The following COL4A1 variants were observed in gnomAD, a reference collection of about 807,000 sequenced individuals.
COL4A1 encodes collagen alpha-1(IV) chain.
In COL4A1, 40 loss-of-function variants were observed where a neutral mutation model predicts 216.6. The observed-to-expected ratio is 0.18, with a 90% CI of 0.14 to 0.24. The LOEUF (loss-of-function observed/expected upper bound fraction) is 0.24. Among genes scored for constraint, COL4A1 ranks in the 10% least tolerant of loss-of-function variants. The pLI is 1.00. For synonymous variants in COL4A1, 839 were observed against 810.7 expected, an observed-to-expected ratio of 1.03 and a Z score of -0.59; for missense variants, 1,628 against 2,196.8, an observed-to-expected ratio of 0.74 and a Z score of 5.18.
intron 1 of COL4A1, among the ~76,000 whole-genome samples, chr13:110,288,695 G>A (rs73617454): frequency 0.013 from 2,018 of 152,228 alleles, 46 homozygotes; most frequent in African/African-American, 0.046. Flanking sequence ...GTAAAACCCT[G>A]GACAGGTTGT....
rs1877788272 is a variant in COL4A1 at position 110,174,520 on chromosome 13, G to A, written c.3332C>T (p.Pro1111Leu). 6.2e-7 allele frequency: 1 copy of A among 1,613,934 alleles called. No individual in the cohort carries two copies. The highest frequency in any genetic ancestry group is 2.2e-5 in the East Asian group (1 of 44,882). ...SPGSVGYPGS[P>L]GLPGEKGDKG... Reference sequence around the variant, plus strand: ...GTCACCTTTTTCTCCAGGTAGCCCAGGACTTCCTAAAGAAAAAAACAAAAC... The same window carrying A: ...GTCACCTTTTTCTCCAGGTAGCCCAAGACTTCCTAAAGAAAAAAACAAAAC... The change falls in exon 39 of 52, where the codon CCT (proline) becomes CTT (leucine). Residue 1111 changes from proline to leucine, a missense_variant. Pro to Leu is a moderately conservative substitution (Grantham distance 98). Around this residue, in one of 8 missense-constraint regions of COL4A1, gnomAD observed 345 missense variants for 476.9 expected, o/e 0.72. Coordinates refer to ENST00000375820, the MANE Select transcript of COL4A1 (RefSeq NM_001845.6).
intron 2 of COL4A1, among the ~76,000 whole-genome samples, chr13:110,227,748 T>C (rs1263984901): frequency 6.6e-6 from 1 of 152,190 alleles, no homozygotes; most frequent in Non-Finnish European, 1.5e-5. Context: ...ACAGGGAGAA[T>C]CAGCACGTTC....
chr13:110,278,775 C>T (rs545054), intron 1 of COL4A1, among the ~76,000 whole-genome samples: 3,829 of 152,236 alleles, frequency 0.025, 164 homozygotes, highest in African/African-American at 0.089. Context: ...CTCCCAGCCA[C>T]GCCTCTTGAC....
chr13:110,304,140 T>G (rs1318857964), intron 1 of COL4A1, among the ~76,000 whole-genome samples: 1 of 152,130 alleles, frequency 6.6e-6, no homozygotes, highest in Non-Finnish European at 1.5e-5. Context: ...CCTAGTCCAA[T>G]TCCATCTATT....
At chr13:110,263,553 A>G (rs536420060) in intron 1 of COL4A1, among the ~76,000 whole-genome samples, 28 of 152,268 alleles carry the variant, frequency 1.8e-4, no homozygotes, top group African/African-American at 5.5e-4. Flanking sequence ...TCCTGGACTC[A>G]TGCGATCCTC....
chr13:110,195,272 C>A (rs41275096), intron 21 of COL4A1, among the ~76,000 whole-genome samples, 154 bp from the exon 22 acceptor site: 20 of 152,306 alleles, frequency 1.3e-4, no homozygotes, highest in Non-Finnish European at 2.4e-4. Context: ...AGGCTATCCA[C>A]CACTTGCAAA....
chr13:110,195,129 G>A lies in COL4A1; in HGVS notation c.1286-11C>T. The A allele has an allele frequency of 6.2e-7, 1 of 1,610,986 alleles. No individual in the cohort carries two copies. The highest frequency in any genetic ancestry group is 8.5e-7 in the Non-Finnish European group (1 of 1,177,156). On this transcript the variant is annotated splice_polypyrimidine_tract_variant and intron_variant, in intron 21 of 51. Transcript: ENST00000375820. Reference sequence around the variant, plus strand: ...ATTCCACAATTCCATCTGAAATTGAGTTGTCAGAGTTATAGGATCATAGCT... The same window carrying A: ...ATTCCACAATTCCATCTGAAATTGAATTGTCAGAGTTATAGGATCATAGCT...
chr13:110,253,180 C>CATATAACTATATGTAT (rs1566417493), intron 1 of COL4A1, among the ~76,000 whole-genome samples: 10 of 91,172 alleles, frequency 1.1e-4, no homozygotes, highest in African/African-American at 4.7e-4. Flanking sequence ...ACTATATGTA[C>CATATAACTATATGTAT]GTATGTATTA....
intron 1 of COL4A1, among the ~76,000 whole-genome samples, chr13:110,293,349 G>GC (rs1884159827): frequency 6.6e-6 from 1 of 152,246 alleles, no homozygotes; most frequent in Non-Finnish European, 1.5e-5. Flanking sequence ...AGCGGCTGCT[G>GC]CGTCTACCTA....
At chr13:110,240,874 T>C (rs1287839945) in intron 2 of COL4A1, among the ~76,000 whole-genome samples, 1 of 152,200 alleles carries the variant, frequency 6.6e-6, no homozygotes, top group Non-Finnish European at 1.5e-5. Flanking sequence ...TTTTGGTTTT[T>C]GGTTTTTGGT....
rs1229701440 is a variant in COL4A1 at position 110,253,432 on chromosome 13, T to C, written c.85-10698A>G. On this transcript the variant is annotated intron_variant, in intron 1 of 51. Coordinates refer to ENST00000375820, the MANE Select transcript of COL4A1 (RefSeq NM_001845.6). The stretch of plus-strand genomic sequence containing the variant: ...TGTATTACATATACATATAATTATA[T>C]GTATTACATATACATATAATTATAT... Among the ~76,000 whole-genome samples the C allele has an allele frequency of 2.7e-3, 37 of 13,750 alleles. 1 individual carries two copies. Among genetic ancestry groups the C allele is most frequent in the South Asian group, 4.8e-3 (1 of 208 alleles). The allele number at this position is 13,750 out of a possible 152,430, so 9.0% of individuals were successfully genotyped here. A position where few individuals can be genotyped will look rare whatever the true frequency, so the allele number is the denominator to read the frequency against.
chr13:110,200,561 G>C (rs1879141473), intron 20 of COL4A1, among the ~76,000 whole-genome samples: 1 of 152,098 alleles, frequency 6.6e-6, no homozygotes, highest in South Asian at 2.1e-4. Flanking sequence ...GGAAAAGAGG[G>C]GGGCAGGCTG....
intron 49 of COL4A1, among the ~76,000 whole-genome samples, chr13:110,158,144 A>G (rs549563819): frequency 6.6e-6 from 1 of 152,380 alleles, no homozygotes; most frequent in South Asian, 2.1e-4. Context: ...ACACAGGTGA[A>G]GTATTGCCTG....
chr13:110,289,529 C>T (rs1237250302), intron 1 of COL4A1, among the ~76,000 whole-genome samples: 2 of 152,118 alleles, frequency 1.3e-5, no homozygotes, highest in Non-Finnish European at 2.9e-5. Flanking sequence ...TTGAGTTCAC[C>T]GATTTCTTGG....
At chr13:110,179,177 A>C in intron 30 of COL4A1, 94 bp downstream of exon 30, 1 of 1,582,018 alleles carries the variant, frequency 6.3e-7, no homozygotes, top group Non-Finnish European at 8.7e-7. Context: ...CGTTCAACAA[A>C]TACATATCAA....
At chr13:110,238,092 A>G (rs1489689001) in intron 2 of COL4A1, among the ~76,000 whole-genome samples, 2 of 152,244 alleles carry the variant, frequency 1.3e-5, no homozygotes, top group African/African-American at 4.8e-5. Context: ...TATTATTGCA[A>G]TGCAGAGCCA....
intron 2 of COL4A1, among the ~76,000 whole-genome samples, chr13:110,228,059 G>C: frequency 6.6e-6 from 1 of 152,332 alleles, no homozygotes; most frequent in African/African-American, 2.4e-5. Context: ...TGACAGGTGG[G>C]AAAGGGATGC....
At chr13:110,199,145 A>G (rs1288112906) in intron 20 of COL4A1, among the ~76,000 whole-genome samples, 1 of 152,184 alleles carries the variant, frequency 6.6e-6, no homozygotes. Flanking sequence ...AGCCACTGTA[A>G]CTCTGTAAGG....
intron 1 of COL4A1, among the ~76,000 whole-genome samples, chr13:110,280,644 C>A (rs990098083): frequency 6.6e-6 from 1 of 152,234 alleles, no homozygotes; most frequent in African/African-American, 2.4e-5. Flanking sequence ...CCTACATCTG[C>A]AACACCAAAT....
Sources: allele counts gnomAD v4.1 joint callset (sites outside exome capture counted in the v4.1 genomes callset), GRCh38; gene constraint gnomAD v4.1.1; regional missense constraint gnomAD v4.1.1; transcripts MANE v1.5; gene names NCBI Gene and HGNC (gene_info 2026-07-23, HGNC 2026-07-21).